The following JMJD1C variants were observed in gnomAD, a reference collection of about 807,000 sequenced individuals.
JMJD1C encodes jumonji domain-containing protein 1C.
In JMJD1C, 31 loss-of-function variants were observed where a neutral mutation model predicts 245.3. The ratio of observed to expected loss-of-function variants is 0.13; its 90% CI spans 0.09 to 0.17. The LOEUF (loss-of-function observed/expected upper bound fraction) is 0.17. JMJD1C is among the 10% of genes least tolerant of loss of function. The pLI, the probability that JMJD1C is intolerant of heterozygous loss-of-function variation, is 1.00. For missense variants in JMJD1C, 2,691 were observed against 3,000.2 expected, an observed-to-expected ratio of 0.90 and a Z score of 2.41; for synonymous variants, 1,057 against 1,017.4, an observed-to-expected ratio of 1.04 and a Z score of -0.74.
chr10:63,386,435 C>A (rs1413658403), intron 1 of JMJD1C, among the ~76,000 whole-genome samples: 5 of 152,232 alleles, frequency 3.3e-5, no homozygotes, highest in Non-Finnish European at 7.3e-5. Flanking sequence ...CATGCCACCC[C>A]TGTTGACCAC....
chr10:63,392,702 G>C (rs1948149102), intron 1 of JMJD1C, among the ~76,000 whole-genome samples: 1 of 151,400 alleles, frequency 6.6e-6, no homozygotes, highest in Admixed American at 6.6e-5. Context: ...GCATGCACCT[G>C]TAATCCCAGC....
chr10:63,211,055 A>C (rs899216329), intron 8 of JMJD1C, among the ~76,000 whole-genome samples: 3 of 152,198 alleles, frequency 2.0e-5, no homozygotes, highest in African/African-American at 4.8e-5. Flanking sequence ...ATGAAAGTAG[A>C]GCCAAAAGGA....
chr10:63,298,856 C>T (rs908988776), intron 2 of JMJD1C, among the ~76,000 whole-genome samples: 4 of 152,094 alleles, frequency 2.6e-5, no homozygotes, highest in Non-Finnish European at 5.9e-5. Context: ...CCTCAGCCTC[C>T]CGAATAGCTG....
At chr10:63,466,737 G>C (rs1243101060), upstream of JMJD1C, among the ~76,000 whole-genome samples, 2 of 151,926 alleles carry the variant, frequency 1.3e-5, no homozygotes, top group Non-Finnish European at 2.9e-5. Flanking sequence ...TCAGTTATTA[G>C]AAAATACCAT....
intron 3 of JMJD1C, among the ~76,000 whole-genome samples, chr10:63,254,708 T>G (rs1396224753): frequency 1.0e-4 from 3 of 30,044 alleles, no homozygotes; most frequent in Non-Finnish European, 5.5e-4. Context: ...TTTTTTTTGT[T>G]TTTTGTTTTG....
chr10:63,493,249 C>CTTTTTT lies in JMJD1C; in HGVS notation n.113+28483_113+28488dup, dbSNP rs752941477. 8.1e-3 allele frequency among the ~76,000 whole-genome samples: 396 copies of CTTTTTT among 49,174 alleles called. 41 individuals are homozygous for CTTTTTT. The highest frequency in any genetic ancestry group is 0.011 in the East Asian group (14 of 1,262). The allele number at this position is 49,174 out of a possible 152,430, so 32.3% of individuals were successfully genotyped here. A position where few individuals can be genotyped will look rare whatever the true frequency, so the allele number is the denominator to read the frequency against. On this transcript the variant is annotated intron_variant and non_coding_transcript_variant, in intron 1 of 3. Coordinates refer to the JMJD1C transcript ENST00000633035. ...GTAGATGGGAACAAAACTGTTATTT[C>CTTTTTT]TTTTTTTTTTTTTTTTTTTTTTTTT...
chr10:63,437,938 T>C (rs1014793819), intron 1 of JMJD1C, among the ~76,000 whole-genome samples: 1 of 152,176 alleles, frequency 6.6e-6, no homozygotes, highest in Non-Finnish European at 1.5e-5. Context: ...ATATATCTAA[T>C]CTTTAAAAAC....
intron 1 of JMJD1C, among the ~76,000 whole-genome samples, chr10:63,401,048 G>A (rs549684039): frequency 1.3e-4 from 20 of 150,456 alleles, no homozygotes; most frequent in East Asian, 4.0e-4. Flanking sequence ...TAGTAGAGAC[G>A]AAGTTTCGCC....
intron 2 of JMJD1C, among the ~76,000 whole-genome samples, chr10:63,334,452 T>G (rs566616261): frequency 3.2e-4 from 49 of 152,162 alleles, no homozygotes; most frequent in Non-Finnish European, 5.7e-4. Flanking sequence ...TCTATTTTGT[T>G]GTTAAATCTT....
chr10:63,183,533 G>T lies in JMJD1C; in HGVS notation c.6998C>A (p.Thr2333Lys), dbSNP rs781577975. 6.2e-7 allele frequency: 1 copy of T among 1,604,176 alleles called. No homozygotes were observed. Among genetic ancestry groups the T allele is most frequent in the Non-Finnish European group, 8.5e-7 (1 of 1,173,828 alleles). Residue 2333 changes from threonine (T) to lysine (K), a missense_variant, in exon 22 of 26, where the codon ACA becomes AAA. Coordinates refer to ENST00000399262, the MANE Select transcript of JMJD1C (RefSeq NM_032776.3). ...ATCAGAAACTTCAATATGGAGATTT[G>T]TTGTTCCTATATCATGATCTTTAGC... Reference protein sequence around the residue: ...VAAKDHDIGTTNLHIEVSDVV... With the variant: ...VAAKDHDIGTKNLHIEVSDVV...
intron 5 of JMJD1C, 92 bp downstream of exon 5, chr10:63,217,115 A>G: frequency 8.6e-7 from 1 of 1,161,042 alleles, no homozygotes; most frequent in Non-Finnish European, 1.2e-6. Flanking sequence ...AGAGATAAAA[A>G]TTATTTAGTA....
chr10:63,203,592 A>C (rs1190466227), intron 10 of JMJD1C: 1 of 955,846 alleles, frequency 1.0e-6, no homozygotes, highest in African/African-American at 1.8e-5. Context: ...CATAAAATTA[A>C]ATGTAAAAAT....
At chr10:63,227,769 C>T (rs1201607619) in intron 3 of JMJD1C, among the ~76,000 whole-genome samples, 2 of 152,130 alleles carry the variant, frequency 1.3e-5, no homozygotes, top group Non-Finnish European at 2.9e-5. Context: ...GGTGATTGAA[C>T]ATGTTTTGCC....
chr10:63,209,084 G>C lies in JMJD1C; in HGVS notation c.2846C>G (p.Thr949Ser). Residue 949 changes from threonine to serine, a missense_variant, in exon 9 of 26, where the codon ACT becomes AGT. This residue lies in a region of JMJD1C where 1,562 missense variants were observed against 1,490.7 expected (regional missense o/e 1.05). Coordinates refer to ENST00000399262, the MANE Select transcript of JMJD1C (RefSeq NM_032776.3). ...TTACTCCTTATGATGATCTACTAAA[G>C]TTTTTGTCAATGGTGGACTGGAATG... ...TAHSSPPLTK[T>S]LVDHHKEELE... 2 of 1,613,258 alleles carry C rather than the reference G, an allele frequency of 1.2e-6. No homozygotes were observed. Among genetic ancestry groups the C allele is most frequent in the Non-Finnish European group, 1.7e-6 (2 of 1,179,582 alleles).
At chr10:63,267,938 A>G (rs536457773) in intron 2 of JMJD1C, among the ~76,000 whole-genome samples, 1 of 152,250 alleles carries the variant, frequency 6.6e-6, no homozygotes, top group African/African-American at 2.4e-5. Flanking sequence ...ACGCGAACAG[A>G]TGAGCCCTCC....
intron 1 of JMJD1C, among the ~76,000 whole-genome samples, chr10:63,401,034 T>A (rs887137381): frequency 7.9e-5 from 12 of 151,492 alleles, no homozygotes; most frequent in Non-Finnish European, 1.6e-4. Flanking sequence ...AATTTTTGTA[T>A]TTTTAGTAGA....
chr10:63,304,888 C>T (rs1447403468), intron 2 of JMJD1C, among the ~76,000 whole-genome samples: 4 of 152,276 alleles, frequency 2.6e-5, no homozygotes, highest in Admixed American at 1.3e-4. Context: ...AATTCCAGTA[C>T]TTGGGGAGGC....
chr10:63,208,510 T>C lies in JMJD1C; in HGVS notation c.3159A>G (p.Ala1053=). ...EGERENYSRV[A]SSSSSPKSHI... ...GGCTTTTAGGACTGGAAGATGATGA[T>C]GCCACTCTGGAATAATTCTCTCTCT... The change falls in exon 10 of 26, where the codon GCA becomes GCG. Residue 1053 remains alanine, a synonymous_variant. Transcript: ENST00000399262. 6.2e-7 allele frequency: 1 copy of C among 1,614,148 alleles called. No homozygotes were observed. The highest frequency in any genetic ancestry group is 8.5e-7 in the Non-Finnish European group (1 of 1,179,996).
chr10:63,235,901 C>T, intron 3 of JMJD1C, among the ~76,000 whole-genome samples: 1 of 152,078 alleles, frequency 6.6e-6, no homozygotes, highest in Non-Finnish European at 1.5e-5. Context: ...AGGAAGATGA[C>T]CCAATTTATC....
Sources: gnomAD v4.1 joint callset for allele counts (sites outside exome capture counted in the v4.1 genomes callset) on GRCh38, gnomAD v4.1.1 for gene constraint, gnomAD v4.1.1 regional missense constraint, MANE v1.5 for transcripts, NCBI Gene and HGNC (gene_info 2026-07-23, HGNC 2026-07-21) for gene names.